Variants in XG observed in about 807,000 individuals in gnomAD.
XG encodes glycoprotein Xg.
In XG, 24 loss-of-function variants were observed where a neutral mutation model predicts 25.7. That is an observed-to-expected ratio of 0.93 (90% confidence interval 0.68 to 1.31). The LOEUF is 1.31. XG is among the 40% of genes most tolerant of loss of function. XG has a pLI of 0.00. For synonymous variants in XG, 77 were observed against 69.2 expected, an observed-to-expected ratio of 1.11 and a Z score of -0.56; for missense variants, 181 against 187.6, an observed-to-expected ratio of 0.96 and a Z score of 0.21.
intron 1 of XG, among the ~76,000 whole-genome samples, chrX:2,755,732 G>A (rs2050419916): frequency 6.6e-6 from 1 of 152,120 alleles, no homozygotes; most frequent in African/African-American, 2.4e-5. Context: ...TAAATAAGAT[G>A]ATGTACATGC....
intron 5 of XG, among the ~76,000 whole-genome samples, chrX:2,792,562 T>TGTGC (rs1351502549): frequency 9.2e-6 from 1 of 108,764 alleles, no homozygotes; most frequent in Non-Finnish European, 1.9e-5. Flanking sequence ...TGTGTGTGTG[T>TGTGC]GTGTGTGTAT....
At chrX:2,803,337 G>A (rs770394174) in intron 7 of XG, among the ~76,000 whole-genome samples, 2 of 110,958 alleles carry the variant, frequency 1.8e-5, no homozygotes, top group East Asian at 2.8e-4. Flanking sequence ...GAAATTTTTT[G>A]TAGAGATGGG....
chrX:2,783,075 G>T (rs750272630), intron 4 of XG, among the ~76,000 whole-genome samples: 1 of 111,189 alleles, frequency 9.0e-6, no homozygotes, highest in African/African-American at 3.3e-5. Flanking sequence ...TGCAAAGGCC[G>T]TTTGATACTC....
intron 3 of XG, among the ~76,000 whole-genome samples, chrX:2,779,730 T>G (rs2051078314): frequency 6.6e-6 from 1 of 152,024 alleles, no homozygotes; most frequent in African/African-American, 2.4e-5. Context: ...CACTGTAACC[T>G]CCACCTCCCG....
chrX:2,779,597 A>C (rs980291076), intron 3 of XG, among the ~76,000 whole-genome samples: 2 of 152,114 alleles, frequency 1.3e-5, no homozygotes, highest in African/African-American at 4.8e-5. Flanking sequence ...GAAGTCTCTG[A>C]TATAAAACGT....
chrX:2,761,115 T>C (rs1169057782), intron 1 of XG, among the ~76,000 whole-genome samples: 10 of 152,162 alleles, frequency 6.6e-5, no homozygotes, highest in African/African-American at 2.4e-4. Context: ...AATTTATATA[T>C]TGAAGGCCTA....
At chrX:2,763,329 T>C (rs2050605779) in intron 1 of XG, among the ~76,000 whole-genome samples, 1 of 152,152 alleles carries the variant, frequency 6.6e-6, no homozygotes, top group Non-Finnish European at 1.5e-5. Context: ...AACATCTTAC[T>C]ATATGGCCCT....
intron 4 of XG, among the ~76,000 whole-genome samples, chrX:2,783,563 T>C (rs2086753532): frequency 8.9e-6 from 1 of 112,310 alleles, no homozygotes; most frequent in Non-Finnish European, 1.9e-5. Flanking sequence ...TTTCACAGCT[T>C]AACAGCGTGT....
At chrX:2,773,392 AAGG>A (rs2050871583) in intron 2 of XG, among the ~76,000 whole-genome samples, 1 of 143,762 alleles carries the variant, frequency 7.0e-6, no homozygotes, top group Admixed American at 6.9e-5. Context: ...GGAGGGAAGG[AAGG>A]AGAGAGGGAG....
chrX:2,768,286 G>C (rs2050742529), intron 1 of XG, among the ~76,000 whole-genome samples: 1 of 152,196 alleles, frequency 6.6e-6, no homozygotes, highest in Non-Finnish European at 1.5e-5. Flanking sequence ...GGTCAACGGC[G>C]AACACAGATT....
rs1399461149 is a variant in XG at position 2,752,121 on chromosome X, T to C, written c.-154T>C. On this transcript the variant is annotated 5_prime_UTR_variant, in exon 1 of 11. Coordinates refer to ENST00000644266, the MANE Select transcript of XG (RefSeq NM_001141919.2). ...TCTGAGCTTGGAGCCCATTTGTTTC[T>C]GGCAGTTCCGCTCATATTTTCCACT... is the stretch of plus-strand genomic sequence containing the variant. The C allele has an allele frequency of 7.4e-7, 1 of 1,355,374 alleles. No homozygotes were observed. Among genetic ancestry groups the C allele is most frequent in the Non-Finnish European group, 1.0e-6 (1 of 990,682 alleles). 84.0% of individuals were successfully genotyped at this position (1,355,374 alleles called of 1,614,324 possible).
chrX:2,792,278 C>T (rs755102447), intron 5 of XG, among the ~76,000 whole-genome samples: 27 of 111,144 alleles, frequency 2.4e-4, no homozygotes, highest in Non-Finnish European at 3.4e-4. Context: ...GGTGACAGAA[C>T]GAGACTCCAT....
intron 1 of XG, among the ~76,000 whole-genome samples, chrX:2,757,753 C>G (rs2050465786): frequency 6.6e-6 from 1 of 151,816 alleles, no homozygotes; most frequent in Non-Finnish European, 1.5e-5. Context: ...GGGCAGATCA[C>G]TTGAGGTCAG....
intron 1 of XG, among the ~76,000 whole-genome samples, chrX:2,768,814 A>C (rs2050753810): frequency 6.6e-6 from 1 of 152,220 alleles, no homozygotes; most frequent in African/African-American, 2.4e-5. Flanking sequence ...AAAAATAAGA[A>C]GAGAGCTGGA....
At chrX:2,807,954 C>G (rs2087019144) in intron 8 of XG, among the ~76,000 whole-genome samples, 1 of 111,749 alleles carries the variant, frequency 8.9e-6, no homozygotes, top group Admixed American at 9.5e-5. Flanking sequence ...CTGCATCTCC[C>G]TCTCCCTGGT....
chrX:2,782,261 T>A (rs72619369), intron 4 of XG, 133 bp downstream of exon 4: 153,538 of 737,009 alleles, frequency 0.21, 13,860 homozygotes, highest in East Asian at 0.53. Context: ...ATGTAGTTTC[T>A]TTCCTCACTG....
At chrX:2,788,706 T>C (rs2086807631) in intron 4 of XG, among the ~76,000 whole-genome samples, 1 of 109,961 alleles carries the variant, frequency 9.1e-6, no homozygotes, top group Non-Finnish European at 1.9e-5. Context: ...AATACAAAAA[T>C]TGGCCAGGCG....
chrX:2,759,900 G>A (rs1046578310), intron 1 of XG, among the ~76,000 whole-genome samples: 2 of 152,206 alleles, frequency 1.3e-5, no homozygotes, highest in Non-Finnish European at 2.9e-5. Flanking sequence ...ACGGTGCTGA[G>A]GCTGGGAAAC....
At chrX:2,763,200 C>T (rs1419833782) in intron 1 of XG, among the ~76,000 whole-genome samples, 1 of 151,994 alleles carries the variant, frequency 6.6e-6, no homozygotes, top group Non-Finnish European at 1.5e-5. Context: ...TTTTAGTAGA[C>T]ACAGGGCTTC....
Sources: allele counts gnomAD v4.1 joint callset (sites outside exome capture counted in the v4.1 genomes callset), GRCh38; gene constraint gnomAD v4.1.1; transcripts MANE v1.5; gene names NCBI Gene and HGNC (gene_info 2026-07-23, HGNC 2026-07-21).